BRAF: variants seen among roughly 807,000 people sequenced by gnomAD.
The protein encoded by BRAF is serine/threonine-protein kinase B-raf.
In BRAF, 16 loss-of-function variants were observed where a neutral mutation model predicts 104.6. That is an observed-to-expected ratio of 0.15 (90% CI 0.10 to 0.23). The LOEUF (loss-of-function observed/expected upper bound fraction) is 0.23, where lower values mean the gene tolerates loss of function less well. Among genes scored for constraint, BRAF ranks in the 10% least tolerant of loss-of-function variants. BRAF has a pLI of 1.00. For synonymous variants in BRAF, 310 were observed against 341.6 expected (o/e 0.91, Z 1.02); for missense variants, 541 against 937.3 (o/e 0.58, Z 5.52).
At chr7:140,808,101 C>G (rs746583830) in intron 4 of BRAF, 39 bp from the exon 5 acceptor site, 1 of 1,476,968 alleles carries the variant, frequency 6.8e-7, no homozygotes, top group Non-Finnish European at 9.5e-7. Flanking sequence ...GGTTATTACA[C>G]CTAAAAATAT....
At chr7:140,893,939 C>G (rs923333541) in intron 1 of BRAF, among the ~76,000 whole-genome samples, 1 of 152,072 alleles carries the variant, frequency 6.6e-6, no homozygotes, top group Admixed American at 6.6e-5. Context: ...TGAGACCAGC[C>G]TGGTCAACAT....
chr7:140,735,475 G>A (rs1314226951), intron 18 of BRAF, among the ~76,000 whole-genome samples: 4 of 152,210 alleles, frequency 2.6e-5, no homozygotes, highest in African/African-American at 7.2e-5. Context: ...TAAAGGGCTT[G>A]GCATAATGCC....
chr7:140,770,203 C>T (rs1225267781), intron 14 of BRAF, among the ~76,000 whole-genome samples: 1 of 152,028 alleles, frequency 6.6e-6, no homozygotes, highest in Non-Finnish European at 1.5e-5. Context: ...ATTATGTTCA[C>T]TATAATTAAA....
At chr7:140,839,455 G>A (rs780837344) in intron 2 of BRAF, among the ~76,000 whole-genome samples, 9 of 151,892 alleles carry the variant, frequency 5.9e-5, no homozygotes, top group Non-Finnish European at 1.3e-4. Context: ...ATATGCCAGG[G>A]GTGGTGGCTC....
intron 14 of BRAF, among the ~76,000 whole-genome samples, chr7:140,776,165 A>G (rs1365736474): frequency 2.0e-5 from 3 of 152,214 alleles, no homozygotes; most frequent in Admixed American, 6.5e-5. Flanking sequence ...AGATTAAATG[A>G]CATAATAATC....
intron 1 of BRAF, among the ~76,000 whole-genome samples, chr7:140,904,381 T>C (rs969881111): frequency 4.6e-5 from 7 of 150,718 alleles, no homozygotes; most frequent in Non-Finnish European, 8.8e-5. Context: ...AAACTCCAGC[T>C]CAGTTATTTT....
intron 1 of BRAF, among the ~76,000 whole-genome samples, chr7:140,866,129 G>C (rs780580616): frequency 6.6e-6 from 1 of 152,168 alleles, no homozygotes; most frequent in South Asian, 2.1e-4. Context: ...TTTTCGGAAA[G>C]GAGCTGTATT....
intron 8 of BRAF, among the ~76,000 whole-genome samples, chr7:140,790,396 T>C (rs1801832508): frequency 6.6e-6 from 1 of 152,182 alleles, no homozygotes; most frequent in South Asian, 2.1e-4. Context: ...TCAACTTTTT[T>C]CCCACTCTTT....
intron 3 of BRAF, among the ~76,000 whole-genome samples, chr7:140,820,078 G>A (rs992303118): frequency 6.6e-5 from 10 of 152,094 alleles, no homozygotes; most frequent in African/African-American, 2.4e-4. Context: ...GTAATCAGGT[G>A]AGTCTAATAT....
intron 8 of BRAF, among the ~76,000 whole-genome samples, chr7:140,788,141 T>C (rs2129032167): frequency 6.6e-6 from 1 of 152,168 alleles, no homozygotes; most frequent in African/African-American, 2.4e-5. Flanking sequence ...CCCTGAACTT[T>C]GGAAATAAAT....
chr7:140,843,460 C>G (rs1265410868), intron 2 of BRAF, among the ~76,000 whole-genome samples: 1 of 152,132 alleles, frequency 6.6e-6, no homozygotes, highest in East Asian at 1.9e-4. Flanking sequence ...ATGAAAATCC[C>G]TATTTGTTCC....
chr7:140,819,007 A>C (rs1212880334), intron 3 of BRAF, among the ~76,000 whole-genome samples: 2 of 152,146 alleles, frequency 1.3e-5, no homozygotes, highest in African/African-American at 4.8e-5. Context: ...TCTCTAGAGC[A>C]TTCAGTTTTA....
At chr7:140,850,645 T>C (rs947665210) in intron 1 of BRAF, among the ~76,000 whole-genome samples, 7 of 152,326 alleles carry the variant, frequency 4.6e-5, no homozygotes, top group African/African-American at 1.2e-4. Context: ...ACTTGCTTTT[T>C]TCATGGAGTA....
chr7:140,899,859 C>T (rs1815402271), intron 1 of BRAF, among the ~76,000 whole-genome samples: 1 of 152,180 alleles, frequency 6.6e-6, no homozygotes, highest in Non-Finnish European at 1.5e-5. Context: ...GAGTTATTGC[C>T]TTGCTTCTAA....
At position 140,882,630 on chromosome 7, in the gene BRAF, G is replaced by A. The variant is rs1481631743; in HGVS notation, c.139-32418C>T. ...AGACCTTAGGTGATCTACCTGCCTC[G>A]GCCTCCCAAAGTGCTGGGATTACAG... On this transcript the variant is annotated intron_variant, in intron 1 of 19. Transcript: ENST00000644969. Among the ~76,000 whole-genome samples the A allele has an allele frequency of 5.3e-5, 8 of 151,736 alleles. No individual in the cohort carries two copies. The South Asian group carries it at 1.3e-3, about 24-fold the overall frequency.
At chr7:140,755,169 T>C (rs930666886) in intron 14 of BRAF, among the ~76,000 whole-genome samples, 2 of 152,198 alleles carry the variant, frequency 1.3e-5, no homozygotes, top group African/African-American at 4.8e-5. Flanking sequence ...GTATACCCAG[T>C]GCCGAGAACA....
chr7:140,876,748 G>A (rs369294333), intron 1 of BRAF, among the ~76,000 whole-genome samples: 1 of 152,118 alleles, frequency 6.6e-6, no homozygotes, highest in South Asian at 2.1e-4. Flanking sequence ...CTAGTAGACA[G>A]AAAATCAGTA....
intron 14 of BRAF, among the ~76,000 whole-genome samples, chr7:140,766,677 A>C: frequency 6.6e-6 from 1 of 151,848 alleles, no homozygotes; most frequent in Admixed American, 6.6e-5. Flanking sequence ...CAGCCTCCCG[A>C]GTAGCTGGGA....
chr7:140,915,049 C>CAA (rs567503566), intron 1 of BRAF, among the ~76,000 whole-genome samples: 678 of 61,770 alleles, frequency 0.011, 12 homozygotes, highest in East Asian at 0.046. Flanking sequence ...ACTCCGTCTC[C>CAA]AAAAAAAAAA....
Sources: gnomAD v4.1 joint callset for allele counts (sites outside exome capture counted in the v4.1 genomes callset) on GRCh38, gnomAD v4.1.1 for gene constraint, MANE v1.5 for transcripts, NCBI Gene and HGNC (gene_info 2026-07-23, HGNC 2026-07-21) for gene names.